Variants in ZNF99 observed in about 807,000 individuals in gnomAD.
ZNF99 encodes the protein zinc finger protein ENSP00000375192.
In ZNF99, 8 loss-of-function variants were observed where a neutral mutation model predicts 12.8. The observed-to-expected ratio is 0.62, with a 90% CI of 0.37 to 1.13. ZNF99 has a LOEUF of 1.13. Ranked by LOEUF, ZNF99 falls within the 50% of genes most tolerant of loss-of-function variation. The probability of loss-of-function intolerance (pLI) is 0.02; values close to 1 mark genes in which losing one functional copy is unlikely to be tolerated. For missense variants in ZNF99, 1,007 were observed against 1,006.2 expected (o/e 1.00, Z -0.01); for synonymous variants, 318 against 319.0 (o/e 1.00, Z 0.03).
chr19:22,755,731 T>C lies in ZNF99; in HGVS notation c.*1583A>G, dbSNP rs937294847. The C allele has an allele frequency of 1.6e-5, 5 of 310,788 alleles. No homozygotes were observed. Among genetic ancestry groups the C allele is most frequent in the African/African-American group, 6.6e-5 (3 of 45,714 alleles). The allele number at this position is 310,788 out of a possible 1,614,324, so 19.3% of individuals were successfully genotyped here. A position where few individuals can be genotyped will look rare whatever the true frequency, so the allele number is the denominator to read the frequency against. On this transcript the variant is annotated 3_prime_UTR_variant, in exon 4 of 4. Coordinates refer to ENST00000596209, the MANE Select transcript of ZNF99 (RefSeq NM_001080409.3). ...TTTGTCTCTACTATGAATTATCTTA[T>C]GTTCAGTAAGATTTGAGGACTGATT...
Position 22,759,606 on chromosome 19 carries a change from T to G in ZNF99, c.303A>C (p.Arg101Ser). The change falls in exon 4 of 4, where the codon AGA (arginine) becomes AGC (serine). Residue 101 changes from arginine to serine, a missense_variant. Arg to Ser is a moderately radical substitution (Grantham distance 110). Coordinates refer to ENST00000596209, the MANE Select transcript of ZNF99 (RefSeq NM_001080409.3). ...TCTTATGTCCACATCTTGCATATGTTCTCAATATTATTTCTTGGAAAGAAT... is the reference window on the plus strand; with the variant it reads ...TCTTATGTCCACATCTTGCATATGTGCTCAATATTATTTCTTGGAAAGAAT... ...IKDSFQEIIL[R>S]TYARCGHKNL... The G allele has an allele frequency of 6.2e-7, 1 of 1,603,944 alleles. No homozygotes were observed. Among genetic ancestry groups the G allele is most frequent in the East Asian group, 2.2e-5 (1 of 44,746 alleles).
chr19:22,780,793 A>G (rs558645627), intron 1 of ZNF99, among the ~76,000 whole-genome samples: 2 of 151,046 alleles, frequency 1.3e-5, no homozygotes, highest in African/African-American at 4.8e-5. Flanking sequence ...AAGTAATAGG[A>G]TACAGAATAG....
chr19:22,758,928 G>A lies in ZNF99; in HGVS notation c.981C>T (p.Ala327=), dbSNP rs763230316. The A allele has an allele frequency of 6.2e-7, 1 of 1,613,504 alleles. No homozygotes were observed. The highest frequency in any genetic ancestry group is 8.5e-7 in the Non-Finnish European group (1 of 1,179,828). The part of the protein sequence containing the change: ...ECGKAFNHFS[A]LRKHQIIHTG... Reference sequence around the variant, plus strand: ...TATGAATTATCTGATGTTTTCTAAGGGCTGAGAAATGGTTAAAAGCTTTGC... The same window carrying A: ...TATGAATTATCTGATGTTTTCTAAGAGCTGAGAAATGGTTAAAAGCTTTGC... Residue 327 remains alanine (A), a synonymous_variant, in exon 4 of 4, where the codon GCC becomes GCT. Coordinates refer to ENST00000596209, the MANE Select transcript of ZNF99 (RefSeq NM_001080409.3).
Position 22,784,123 on chromosome 19 carries a change from GAGCTCC to G in ZNF99, c.-113_-108del. ...CACAGAGCAGTAAAAACGAGATCCG[GAGCTCC>G]AGCTGGAACCAGAAACAACGGCCCC... is the stretch of plus-strand genomic sequence containing the variant. On this transcript the variant is annotated 5_prime_UTR_variant, in exon 1 of 4. Transcript: ENST00000596209. 7.6e-7 allele frequency: 1 copy of G among 1,321,768 alleles called. No individual in the cohort carries two copies. The highest frequency in any genetic ancestry group is 1.3e-5 in the South Asian group (1 of 75,420). 81.9% of individuals were successfully genotyped at this position (1,321,768 alleles called of 1,614,324 possible). A position where few individuals can be genotyped will look rare whatever the true frequency, so the allele number is the denominator to read the frequency against.
intron 3 of ZNF99, 45 bp from the exon 4 acceptor site, chr19:22,759,727 G>A: frequency 3.0e-6 from 4 of 1,347,916 alleles, no homozygotes; most frequent in Non-Finnish European, 3.9e-6. Context: ...GCTAGACTCA[G>A]ATGAATATAC....
Position 22,754,456 on chromosome 19 carries a change from G to A in ZNF99, c.*2858C>T, listed in dbSNP as rs913615637. 2 of 402,708 alleles carry A rather than the reference G, an allele frequency of 5.0e-6. No individual in the cohort carries two copies. Among genetic ancestry groups the A allele is most frequent in the African/African-American group, 2.1e-5 (1 of 47,152 alleles). The allele number at this position is 402,708 out of a possible 1,614,324, so 24.9% of individuals were successfully genotyped here. ...TCTTATGTGTAATAAGGGTTGAAAT[G>A]TTTTTAAAGCTTTTGTCACATTCTT... On this transcript the variant is annotated 3_prime_UTR_variant, in exon 4 of 4. Coordinates refer to ENST00000596209, the MANE Select transcript of ZNF99 (RefSeq NM_001080409.3).
At chr19:22,769,844 TC>T (rs1330812253) in intron 1 of ZNF99, 54 of 1,307,954 alleles carry the variant, frequency 4.1e-5, no homozygotes, top group Non-Finnish European at 5.3e-5. Context: ...TGGCAGAAGA[TC>T]CACAACACCA....
chr19:22,767,126 A>AC (rs1491055011), intron 3 of ZNF99, among the ~76,000 whole-genome samples: 44 of 148,700 alleles, frequency 3.0e-4, no homozygotes, highest in Non-Finnish European at 5.8e-4. Context: ...AAAAAAAAAA[A>AC]ACCAAAAAAC....
At chr19:22,766,780 T>C (rs1471627857) in intron 3 of ZNF99, among the ~76,000 whole-genome samples, 1 of 151,306 alleles carries the variant, frequency 6.6e-6, no homozygotes, top group Admixed American at 6.6e-5. Flanking sequence ...GCCTCCCGAA[T>C]AGCTGGGATT....
Position 22,753,872 on chromosome 19 carries a change from C to G in ZNF99, c.*3442G>C. ...TTTGCCACATTCTTCATAGTTTTCT[C>G]TAGGATAAATTAGCTTATACTCAAG... On this transcript the variant is annotated 3_prime_UTR_variant, in exon 4 of 4. Transcript: ENST00000596209. The G allele has an allele frequency of 3.4e-6, 1 of 296,378 alleles. No homozygotes were observed. The highest frequency in any genetic ancestry group is 3.1e-5 in the South Asian group (1 of 32,598). The allele number at this position is 296,378 out of a possible 1,614,324, so 18.4% of individuals were successfully genotyped here.
Position 22,759,556 on chromosome 19 carries a change from T to C in ZNF99, c.353A>G (p.Glu118Gly). ...GTGCATCTTACCCTCATTGACACTT[T>C]CACAATCTTTTCTTAATCGTAAATT... ...HKNLRLRKDC[E>G]SVNEGKMHEE... Residue 118 changes from glutamate (E) to glycine (G), a missense_variant, in exon 4 of 4, where the codon GAA becomes GGA. Coordinates refer to ENST00000596209, the MANE Select transcript of ZNF99 (RefSeq NM_001080409.3). 1.2e-6 allele frequency: 2 copies of C among 1,612,002 alleles called. No homozygotes were observed. The highest frequency in any genetic ancestry group is 1.7e-4 in the Middle Eastern group (1 of 6,050).
At chr19:22,762,077 A>T (rs1236376523) in intron 3 of ZNF99, among the ~76,000 whole-genome samples, 1 of 152,080 alleles carries the variant, frequency 6.6e-6, no homozygotes, top group Non-Finnish European at 1.5e-5. Flanking sequence ...CACCTCAAGA[A>T]ACTAGAGAAA....
In ZNF99 at chr19:22,758,239, A is replaced by G; in HGVS notation, c.1670T>C (p.Ile557Thr). The change falls in exon 4 of 4, where the codon ATA becomes ACA. Residue 557 changes from isoleucine to threonine, a missense_variant. Coordinates refer to ENST00000596209, the MANE Select transcript of ZNF99 (RefSeq NM_001080409.3). Reference protein sequence around the residue: ...NNSSTLMKHKIIHTGKKPYKC... With the variant: ...NNSSTLMKHKTIHTGKKPYKC... ...GTATGGTTTCTTCCCAGTATGAATTATCTTATGTTTCATAAGGGTTGAGGA... is the reference window on the plus strand; with the variant it reads ...GTATGGTTTCTTCCCAGTATGAATTGTCTTATGTTTCATAAGGGTTGAGGA... 6.2e-7 allele frequency: 1 copy of G among 1,600,694 alleles called. No individual in the cohort carries two copies. Among genetic ancestry groups the G allele is most frequent in the Non-Finnish European group, 8.5e-7 (1 of 1,170,124 alleles).
At chr19:22,778,442 G>C (rs1270951878) in intron 1 of ZNF99, among the ~76,000 whole-genome samples, 1 of 151,944 alleles carries the variant, frequency 6.6e-6, no homozygotes, top group Non-Finnish European at 1.5e-5. Context: ...ACTGAATTCT[G>C]ACACCACCCA....
chr19:22,769,710 G>A (rs1973244852), intron 1 of ZNF99, among the ~76,000 whole-genome samples: 1 of 150,714 alleles, frequency 6.6e-6, no homozygotes, highest in Non-Finnish European at 1.5e-5. Context: ...AGCTTGCAGT[G>A]AGCTGAGATT....
intron 1 of ZNF99, among the ~76,000 whole-genome samples, chr19:22,782,472 C>T (rs866563620): frequency 1.3e-5 from 2 of 150,936 alleles, no homozygotes; most frequent in African/African-American, 4.9e-5. Flanking sequence ...TCTCCTGCCT[C>T]AGCCCCACGA....
chr19:22,782,337 C>T (rs1295248670), intron 1 of ZNF99, among the ~76,000 whole-genome samples: 1 of 151,266 alleles, frequency 6.6e-6, no homozygotes, highest in Non-Finnish European at 1.5e-5. Context: ...TGAGGTGGCT[C>T]TAGTGCCTGA....
At chr19:22,765,006 A>C (rs1441619632) in intron 3 of ZNF99, among the ~76,000 whole-genome samples, 1 of 152,212 alleles carries the variant, frequency 6.6e-6, no homozygotes, top group African/African-American at 2.4e-5. Context: ...GAGGAAAAGA[A>C]GTCATTATAT....
At chr19:22,779,591 A>G (rs1398584390) in intron 1 of ZNF99, among the ~76,000 whole-genome samples, 2 of 152,190 alleles carry the variant, frequency 1.3e-5, no homozygotes, top group African/African-American at 4.8e-5. Flanking sequence ...TCAACCTAAA[A>G]TATTTCTTAA....
Sources: allele counts gnomAD v4.1 joint callset (sites outside exome capture counted in the v4.1 genomes callset), GRCh38; gene constraint gnomAD v4.1.1; transcripts MANE v1.5; gene names NCBI Gene and HGNC (gene_info 2026-07-23, HGNC 2026-07-21).